Variants in ACER3 observed in about 807,000 individuals in gnomAD.
ACER3 encodes the protein alkaline ceramidase 3, also known as alkCDase 3.
A neutral mutation model predicts 48.9 loss-of-function variants in ACER3; 16 were observed. The observed-to-expected ratio is 0.33, with a 90% CI of 0.22 to 0.50. The LOEUF (loss-of-function observed/expected upper bound fraction) is 0.50. ACER3 is among the 20% of genes least tolerant of loss of function. The probability of loss-of-function intolerance (pLI) is 0.98; values close to 1 mark genes in which losing one functional copy is unlikely to be tolerated. For missense variants in ACER3, 227 were observed against 326.0 expected (o/e 0.70, Z 2.34); for synonymous variants, 109 against 107.8 (o/e 1.01, Z -0.07).
At chr11:76,989,216 C>G (rs1948747793) in intron 5 of ACER3, among the ~76,000 whole-genome samples, 1 of 150,036 alleles carries the variant, frequency 6.7e-6, no homozygotes, top group African/African-American at 2.4e-5. Flanking sequence ...ACACATCATA[C>G]TTTTAAAGCT....
intron 3 of ACER3, among the ~76,000 whole-genome samples, chr11:76,962,242 A>G (rs1590996714): frequency 2.4e-5 from 2 of 82,788 alleles, no homozygotes; most frequent in Admixed American, 1.6e-4. Context: ...TTTGAGATGG[A>G]GTCTCACTCT....
At chr11:76,875,871 G>A (rs1370245658) in intron 1 of ACER3, among the ~76,000 whole-genome samples, 6 of 151,388 alleles carry the variant, frequency 4.0e-5, no homozygotes, top group African/African-American at 1.5e-4. Context: ...AAGTAGCTGG[G>A]ATTATAGGAG....
chr11:76,999,131 G>C (rs1346672466), intron 7 of ACER3, among the ~76,000 whole-genome samples: 1 of 151,744 alleles, frequency 6.6e-6, no homozygotes, highest in Non-Finnish European at 1.5e-5. Flanking sequence ...AAATCCTATA[G>C]TTAAAAAAAA....
At chr11:77,002,357 A>G (rs1949050942) in intron 7 of ACER3, among the ~76,000 whole-genome samples, 1 of 152,140 alleles carries the variant, frequency 6.6e-6, no homozygotes, top group Admixed American at 6.5e-5. Flanking sequence ...GTATTAACTG[A>G]TTTTATCATA....
intron 2 of ACER3, among the ~76,000 whole-genome samples, chr11:76,942,031 T>C (rs1947354096): frequency 6.6e-6 from 1 of 152,140 alleles, no homozygotes; most frequent in Non-Finnish European, 1.5e-5. Context: ...CCTGAAACTT[T>C]ACTGAATTCA....
chr11:76,893,297 G>C (rs1402968942), intron 1 of ACER3, among the ~76,000 whole-genome samples: 1 of 152,084 alleles, frequency 6.6e-6, no homozygotes, highest in Non-Finnish European at 1.5e-5. Flanking sequence ...TTGAGCCCAG[G>C]AGTTCAAGGC....
chr11:76,947,643 C>T (rs936933658), intron 2 of ACER3, among the ~76,000 whole-genome samples: 8 of 152,132 alleles, frequency 5.3e-5, no homozygotes, highest in African/African-American at 1.7e-4. Context: ...TCATTTATTT[C>T]CCCCTCTCTT....
At chr11:76,998,909 A>C in intron 7 of ACER3, 88 bp downstream of exon 7, 1 of 1,037,784 alleles carries the variant, frequency 9.6e-7, no homozygotes, top group Non-Finnish European at 1.4e-6. Flanking sequence ...ATAACACATA[A>C]AAGCTCACTT....
rs559494311 is a variant in ACER3, at chr11:76,922,892, G to C, written c.104-3665G>C. On this transcript the variant is annotated intron_variant, in intron 1 of 10. Coordinates refer to ENST00000532485, the MANE Select transcript of ACER3 (RefSeq NM_018367.7). ...AAAGTTCAGTACCTGGTACTTAATA[G>C]GCTCAGCATATTTTTGTTCCTTTCT... Among the ~76,000 whole-genome samples the C allele has an allele frequency of 2.6e-5, 4 of 152,198 alleles. No individual in the cohort carries two copies. In the South Asian group the frequency reaches 8.3e-4, roughly 32 times the overall value.
chr11:76,944,735 T>A (rs1034376841), intron 2 of ACER3, among the ~76,000 whole-genome samples: 4 of 152,186 alleles, frequency 2.6e-5, no homozygotes, highest in African/African-American at 9.7e-5. Flanking sequence ...CTCCTGAATC[T>A]GGATGTCTAA....
intron 8 of ACER3, among the ~76,000 whole-genome samples, chr11:77,015,504 A>T (rs1290626828): frequency 1.3e-5 from 2 of 152,310 alleles, no homozygotes; most frequent in Admixed American, 6.5e-5. Context: ...GTTATTTTCT[A>T]AAAAAGCAAG....
At chr11:76,868,994 T>C (rs1275513180) in intron 1 of ACER3, among the ~76,000 whole-genome samples, 1 of 152,254 alleles carries the variant, frequency 6.6e-6, no homozygotes, top group Non-Finnish European at 1.5e-5. Context: ...TTCTTCTGGC[T>C]GTTTATTTGT....
chr11:76,906,561 C>A (rs1471899344), intron 1 of ACER3, among the ~76,000 whole-genome samples: 1 of 152,144 alleles, frequency 6.6e-6, no homozygotes, highest in Non-Finnish European at 1.5e-5. Flanking sequence ...TTCAGAGAGG[C>A]TAATTTGAGT....
intron 5 of ACER3, among the ~76,000 whole-genome samples, chr11:76,989,252 G>C (rs192429269): frequency 6.6e-6 from 1 of 150,774 alleles, no homozygotes; most frequent in African/African-American, 2.4e-5. Context: ...AAATAATCTG[G>C]GTTTGGTTTT....
At chr11:76,900,473 A>G (rs1486349918) in intron 1 of ACER3, among the ~76,000 whole-genome samples, 3 of 152,198 alleles carry the variant, frequency 2.0e-5, no homozygotes, top group African/African-American at 7.2e-5. Context: ...TTTCAGTGCT[A>G]GTATCATATA....
At chr11:76,966,903 G>A (rs1948152232) in intron 3 of ACER3, among the ~76,000 whole-genome samples, 1 of 151,580 alleles carries the variant, frequency 6.6e-6, no homozygotes, top group Non-Finnish European at 1.5e-5. Context: ...AAGAACTAGA[G>A]AAGCAAGAGC....
Position 77,022,797 on chromosome 11 carries a change from AC to A in ACER3, c.*2471del, listed in dbSNP as rs1452919422. The A allele has an allele frequency of 4.5e-6, 1 of 221,576 alleles. No individual in the cohort carries two copies. The highest frequency in any genetic ancestry group is 8.7e-6 in the Non-Finnish European group (1 of 115,462). The allele number at this position is 221,576 out of a possible 1,614,324, so 13.7% of individuals were successfully genotyped here. A position where few individuals can be genotyped will look rare whatever the true frequency, so the allele number is the denominator to read the frequency against. On this transcript the variant is annotated 3_prime_UTR_variant, in exon 11 of 11. Coordinates refer to ENST00000532485, the MANE Select transcript of ACER3 (RefSeq NM_018367.7). ...TAATGTGAAAAGTGCTCATCTGTGA[AC>A]TCTACAGCAAATTATATTTTAGAAA...
chr11:76,911,521 G>C (rs1281693661), intron 1 of ACER3, among the ~76,000 whole-genome samples: 1 of 152,076 alleles, frequency 6.6e-6, no homozygotes. Context: ...GTCTTGTTCC[G>C]TGATTATGAA....
intron 7 of ACER3, among the ~76,000 whole-genome samples, chr11:77,012,563 A>G (rs1190774164): frequency 6.6e-6 from 1 of 152,198 alleles, no homozygotes; most frequent in Non-Finnish European, 1.5e-5. Context: ...AATTTACAAT[A>G]ACATTAAAAT....
Sources: allele counts gnomAD v4.1 joint callset (sites outside exome capture counted in the v4.1 genomes callset), GRCh38; gene constraint gnomAD v4.1.1; transcripts MANE v1.5; gene names NCBI Gene and HGNC (gene_info 2026-07-23, HGNC 2026-07-21).